Variants in GUCY1A2 observed in about 807,000 individuals in gnomAD.
The protein encoded by GUCY1A2 is guanylate cyclase soluble subunit alpha-2.
GUCY1A2 carries 27 observed loss-of-function variants against 63.5 expected under a neutral mutation model. That is an observed-to-expected ratio of 0.43 (90% confidence interval 0.31 to 0.59). The LOEUF (loss-of-function observed/expected upper bound fraction) is 0.59. Among genes scored for constraint, GUCY1A2 ranks in the 20% least tolerant of loss-of-function variants. GUCY1A2 has a pLI of 0.11. For missense variants in GUCY1A2, 768 were observed against 913.3 expected (o/e 0.84, Z 2.05); for synonymous variants, 364 against 343.5 (o/e 1.06, Z -0.66).
intron 7 of GUCY1A2, among the ~76,000 whole-genome samples, chr11:106,695,867 A>T (rs1418340928): frequency 1.3e-5 from 2 of 152,184 alleles, no homozygotes; most frequent in African/African-American, 4.8e-5. Flanking sequence ...TAATTTTATA[A>T]TTTGAGGCAA....
intron 4 of GUCY1A2, chr11:106,827,688 T>C (rs955496404): frequency 4.5e-6 from 7 of 1,549,368 alleles, no homozygotes; most frequent in African/African-American, 1.4e-5. Flanking sequence ...GGTACTTGAT[T>C]GTTCTTCAAC....
chr11:106,684,707 T>G lies in GUCY1A2; in HGVS notation c.*2842A>C, dbSNP rs760645528. ...AGGTGCCAAATTATATTTTAAAGTATCCCTTGCAGAGTGGGTTAAAACCAT... is the reference window on the plus strand; with the variant it reads ...AGGTGCCAAATTATATTTTAAAGTAGCCCTTGCAGAGTGGGTTAAAACCAT... On this transcript the variant is annotated 3_prime_UTR_variant, in exon 8 of 8. Transcript: ENST00000526355. 4.9e-5 allele frequency: 10 copies of G among 203,880 alleles called. No individual in the cohort carries two copies. Among genetic ancestry groups the G allele is most frequent in the Non-Finnish European group, 8.0e-5 (8 of 99,422 alleles). The allele number at this position is 203,880 out of a possible 1,614,324, so 12.6% of individuals were successfully genotyped here.
intron 4 of GUCY1A2, among the ~76,000 whole-genome samples, chr11:106,851,233 T>C (rs10890611): frequency 0.24 from 37,079 of 151,746 alleles, 4,682 homozygotes; most frequent in Non-Finnish European, 0.26. Context: ...TCTGAGTTCC[T>C]TGTATAGTCT....
intron 2 of GUCY1A2, among the ~76,000 whole-genome samples, chr11:106,980,325 T>C (rs1861318909): frequency 6.6e-6 from 1 of 152,252 alleles, no homozygotes; most frequent in African/African-American, 2.4e-5. Flanking sequence ...AGTCCTTAGG[T>C]GCAGGAGCTG....
At chr11:107,013,650 C>T (rs1294423706) in intron 1 of GUCY1A2, among the ~76,000 whole-genome samples, 5 of 152,126 alleles carry the variant, frequency 3.3e-5, no homozygotes, top group African/African-American at 9.6e-5. Flanking sequence ...CGGGTTCAAG[C>T]GATTCTCGAG....
intron 2 of GUCY1A2, among the ~76,000 whole-genome samples, chr11:106,978,941 C>G (rs1405905090): frequency 6.6e-6 from 1 of 152,038 alleles, no homozygotes; most frequent in Non-Finnish European, 1.5e-5. Context: ...CTGGAGGCAA[C>G]TGTTAACAAG....
intron 4 of GUCY1A2, among the ~76,000 whole-genome samples, chr11:106,930,901 T>G (rs550795905): frequency 5.9e-5 from 9 of 152,222 alleles, no homozygotes; most frequent in Non-Finnish European, 1.2e-4. Flanking sequence ...ACAGAATATA[T>G]CCAGAGGAAA....
intron 2 of GUCY1A2, among the ~76,000 whole-genome samples, chr11:106,982,766 A>C (rs1019984330): frequency 1.3e-5 from 2 of 152,240 alleles, no homozygotes; most frequent in African/African-American, 4.8e-5. Context: ...TAAGTTGAGA[A>C]ACCAACAGAA....
intron 4 of GUCY1A2, among the ~76,000 whole-genome samples, chr11:106,884,565 T>C (rs531924165): frequency 6.6e-6 from 1 of 151,846 alleles, no homozygotes; most frequent in Non-Finnish European, 1.5e-5. Flanking sequence ...GCCTGCAAAG[T>C]AAACTAAGAA....
rs373993381 is a variant in GUCY1A2 at position 106,983,556 on chromosome 11, G to C, written c.365+2514C>G. ...CAAGGAGCAGAACCGTACAATCCTA[G>C]AGCTCTGATAAATAAAACAGATTAA... On this transcript the variant is annotated intron_variant, in intron 2 of 7. Coordinates refer to ENST00000526355, the MANE Select transcript of GUCY1A2 (RefSeq NM_000855.3). 2.6e-5 allele frequency among the ~76,000 whole-genome samples: 4 copies of C among 152,116 alleles called. No homozygotes were observed. In the East Asian group the frequency reaches 7.7e-4, roughly 29 times the overall value.
intron 7 of GUCY1A2, among the ~76,000 whole-genome samples, chr11:106,689,851 C>CAG (rs1862591499): frequency 1.3e-5 from 2 of 151,794 alleles, no homozygotes; most frequent in African/African-American, 4.8e-5. Context: ...AAAAATTAGC[C>CAG]GGGCATGTTG....
At chr11:106,931,560 T>G (rs1373156050) in intron 4 of GUCY1A2, among the ~76,000 whole-genome samples, 1 of 123,642 alleles carries the variant, frequency 8.1e-6, no homozygotes, top group African/African-American at 3.1e-5. Context: ...GCAACATTAT[T>G]CATAATAGCC....
At chr11:106,747,043 A>AG (rs908546242) in intron 6 of GUCY1A2, among the ~76,000 whole-genome samples, 2 of 152,180 alleles carry the variant, frequency 1.3e-5, no homozygotes, top group African/African-American at 4.8e-5. Flanking sequence ...GCTGGAGTAC[A>AG]GTGGCGCAAT....
chr11:106,823,141 A>G (rs965396292), intron 4 of GUCY1A2, among the ~76,000 whole-genome samples: 1 of 152,156 alleles, frequency 6.6e-6, no homozygotes, highest in Non-Finnish European at 1.5e-5. Context: ...TGTTTGTCAC[A>G]TGGGTATTTT....
rs1862692117 is a variant in GUCY1A2 at position 106,694,998 on chromosome 11, TGTGTGTGCATGC to T, written c.1992-7254_1992-7243del. Among the ~76,000 whole-genome samples, 6 of 152,330 alleles carry T rather than the reference TGTGTGTGCATGC, an allele frequency of 3.9e-5. No individual in the cohort carries two copies. In the South Asian group the frequency reaches 1.2e-3, roughly 32 times the overall value. ...AGATTATCCTCCTAATTAGGTTGGG[TGTGTGTGCATGC>T]ATGTGTGCATGTAAACAGGCTGATA... On this transcript the variant is annotated intron_variant, in intron 7 of 7. Coordinates refer to ENST00000526355, the MANE Select transcript of GUCY1A2 (RefSeq NM_000855.3).
intron 3 of GUCY1A2, among the ~76,000 whole-genome samples, chr11:106,977,782 TC>T (rs1735199926): frequency 6.6e-6 from 1 of 151,956 alleles, no homozygotes; most frequent in Non-Finnish European, 1.5e-5. Flanking sequence ...CTGTGTGGAG[TC>T]GCTCACTAAG....
intron 1 of GUCY1A2, among the ~76,000 whole-genome samples, chr11:107,009,057 T>G (rs1591362709): frequency 6.6e-6 from 1 of 152,226 alleles, no homozygotes. Context: ...TGATAGATTA[T>G]TAGAGTTGTC....
intron 4 of GUCY1A2, among the ~76,000 whole-genome samples, chr11:106,904,566 G>C (rs182255119): frequency 6.6e-6 from 1 of 152,026 alleles, no homozygotes; most frequent in African/African-American, 2.4e-5. Flanking sequence ...ATTTTGATAC[G>C]ATGGGCTTTT....
At chr11:106,919,278 G>A (rs925709497) in intron 4 of GUCY1A2, among the ~76,000 whole-genome samples, 2 of 152,102 alleles carry the variant, frequency 1.3e-5, no homozygotes, top group African/African-American at 4.8e-5. Flanking sequence ...TCAGTTTTAA[G>A]ATGAATAAGT....
Sources: allele counts gnomAD v4.1 joint callset (sites outside exome capture counted in the v4.1 genomes callset), GRCh38; gene constraint gnomAD v4.1.1; transcripts MANE v1.5; gene names NCBI Gene and HGNC (gene_info 2026-07-23, HGNC 2026-07-21).